Variants in PFN4 observed in about 807,000 individuals in gnomAD.
PFN4 encodes profilin family member 4.
In PFN4, 10 loss-of-function variants were observed where a neutral mutation model predicts 16.3. That is an observed-to-expected ratio of 0.61 (90% CI 0.38 to 1.04). The LOEUF (loss-of-function observed/expected upper bound fraction) is 1.04, where lower values mean the gene tolerates loss of function less well. PFN4 is among the 50% of genes least tolerant of loss of function. The pLI, the probability that PFN4 is intolerant of heterozygous loss-of-function variation, is 0.01. For missense variants in PFN4, 136 were observed against 153.6 expected (o/e 0.89, Z 0.61); for synonymous variants, 54 against 56.9 (o/e 0.95, Z 0.23).
At chr2:24,122,355 AT>A in intron 2 of PFN4, 63 bp downstream of exon 2, 2 of 1,239,044 alleles carry the variant, frequency 1.6e-6, no homozygotes, top group South Asian at 1.3e-5. Context: ...TGTCTGCTTC[AT>A]TTTTTGGAAG....
intron 4 of PFN4, among the ~76,000 whole-genome samples, chr2:24,118,291 G>C (rs181048493): frequency 1.9e-4 from 29 of 152,274 alleles, no homozygotes; most frequent in African/African-American, 6.7e-4. Flanking sequence ...ATCTGTTCAG[G>C]AAGGGTCCAA....
rs942791828 is a variant in PFN4, at chr2:24,119,676, T to C, written c.262A>G (p.Thr88Ala). The C allele has an allele frequency of 6.2e-6, 10 of 1,608,728 alleles. No individual in the cohort carries two copies. The African/African-American group carries it at 1.2e-4, about 19-fold the overall frequency. The change falls in exon 4 of 5, where the codon ACT (threonine) becomes GCT (alanine). Residue 88 changes from threonine (T) to alanine (A), a missense_variant. Transcript: ENST00000313213. ...EYSLYAKNEN[T>A]GVVVVKTHLY... Reference sequence around the variant, plus strand: ...TGGGTCTTCACGACAACCACACCAGTGTTCTCCTGTATAAAGAATATAAGA... The same window carrying C: ...TGGGTCTTCACGACAACCACACCAGCGTTCTCCTGTATAAAGAATATAAGA...
chr2:24,122,407 G>A lies in PFN4; in HGVS notation c.117+12C>T, dbSNP rs766728615. The stretch of plus-strand genomic sequence containing the variant: ...TAAATCAAGTCTTAGGTCCAAACTT[G>A]TTTTTTCTTACATTGAAACCTGGTG... On this transcript the variant is annotated intron_variant, in intron 2 of 4. Coordinates refer to ENST00000313213, the MANE Select transcript of PFN4 (RefSeq NM_199346.3). 2 of 1,581,250 alleles carry A rather than the reference G, an allele frequency of 1.3e-6. No individual in the cohort carries two copies. The highest frequency in any genetic ancestry group is 8.7e-7 in the Non-Finnish European group (1 of 1,151,328).
rs1134516 is a variant in PFN4, at chr2:24,119,662, G to A, written c.276C>T (p.Val92=). 246,833 of 1,604,264 alleles carry A rather than the reference G, an allele frequency of 0.15. 20,473 individuals are homozygous for A. The highest frequency in any genetic ancestry group is 0.22 in the South Asian group (19,756 of 90,620). The change falls in exon 4 of 5, where the codon GTC becomes GTT. Residue 92 remains valine (V), a synonymous_variant. Transcript: ENST00000313213. ...YAKNENTGVV[V]VKTHLYLLVA... Reference sequence around the variant, plus strand: ...CCAGAAGATACAGATGGGTCTTCACGACAACCACACCAGTGTTCTCCTGTA... The same window carrying A: ...CCAGAAGATACAGATGGGTCTTCACAACAACCACACCAGTGTTCTCCTGTA...
intron 4 of PFN4, among the ~76,000 whole-genome samples, chr2:24,115,889 A>G (rs1421006191): frequency 7.2e-6 from 1 of 138,892 alleles, no homozygotes; most frequent in Non-Finnish European, 1.5e-5. Context: ...GTCCTGGAGT[A>G]TGAATTGGGT....
chr2:24,115,781 T>C (rs1177719982), intron 4 of PFN4, among the ~76,000 whole-genome samples, 170 bp from the exon 5 acceptor site: 1 of 152,142 alleles, frequency 6.6e-6, no homozygotes, highest in Non-Finnish European at 1.5e-5. Flanking sequence ...ACACAGTTCC[T>C]GCCCTCATGG....
rs760541785 is a variant in PFN4, at chr2:24,119,569, CAA to C, written c.361+6_361+7del. The stretch of plus-strand genomic sequence containing the variant: ...GGAATGAAGACAGGAACTAGGAGGC[CAA>C]CTTACCCAGGCTCTCTGTGGCTTCC... On this transcript the variant is annotated splice_donor_region_variant and intron_variant, in intron 4 of 4. Transcript: ENST00000313213. The C allele has an allele frequency of 6.2e-7, 1 of 1,609,644 alleles. No homozygotes were observed. Among genetic ancestry groups the C allele is most frequent in the South Asian group, 1.1e-5 (1 of 90,456 alleles).
At chr2:24,120,874 T>C (rs530454786) in intron 3 of PFN4, among the ~76,000 whole-genome samples, 31 of 111,282 alleles carry the variant, frequency 2.8e-4, no homozygotes, top group African/African-American at 7.5e-4. Flanking sequence ...GATTATCTCT[T>C]TTTTTTTTTT....
chr2:24,116,572 T>G (rs1665924479), intron 4 of PFN4, among the ~76,000 whole-genome samples: 1 of 151,970 alleles, frequency 6.6e-6, no homozygotes, highest in African/African-American at 2.4e-5. Context: ...CCTGAGGACC[T>G]GGCCGGGTGC....
intron 4 of PFN4, among the ~76,000 whole-genome samples, chr2:24,116,581 G>A (rs993303722): frequency 6.6e-6 from 1 of 152,078 alleles, no homozygotes; most frequent in Non-Finnish European, 1.5e-5. Context: ...CTGGCCGGGT[G>A]CAGTGGCTCA....
chr2:24,119,483 T>C lies in PFN4; in HGVS notation c.361+94A>G, dbSNP rs1412256832. On this transcript the variant is annotated intron_variant, in intron 4 of 4. Transcript: ENST00000313213. ...ATCCTTCCAATAAATTCCTCCTTTC[T>C]GCCCTAGCTGGTTTGAGTTGGATCT... 9 of 847,834 alleles carry C rather than the reference T, an allele frequency of 1.1e-5. No individual in the cohort carries two copies. The East Asian group carries it at 1.3e-4, about 12-fold the overall frequency. The allele number at this position is 847,834 out of a possible 1,614,324, so 52.5% of individuals were successfully genotyped here.
At chr2:24,119,025 T>C (rs147915952) in intron 4 of PFN4, among the ~76,000 whole-genome samples, 14 of 152,344 alleles carry the variant, frequency 9.2e-5, no homozygotes, top group African/African-American at 3.4e-4. Flanking sequence ...ATGAGATCTT[T>C]ATTCAAAAAT....
chr2:24,120,550 A>AT (rs71395201), intron 3 of PFN4, among the ~76,000 whole-genome samples: 6 of 149,046 alleles, frequency 4.0e-5, no homozygotes, highest in Admixed American at 6.6e-5. Flanking sequence ...CAGAGAGCTG[A>AT]TTTTTTTTAA....
chr2:24,115,360 C>A lies in PFN4; in HGVS notation c.*223G>T. The A allele has an allele frequency of 1.8e-6, 1 of 546,380 alleles. No individual in the cohort carries two copies. 33.8% of individuals were successfully genotyped at this position (546,380 alleles called of 1,614,324 possible). A position where few individuals can be genotyped will look rare whatever the true frequency, so the allele number is the denominator to read the frequency against. On this transcript the variant is annotated 3_prime_UTR_variant, in exon 5 of 5. Coordinates refer to ENST00000313213, the MANE Select transcript of PFN4 (RefSeq NM_199346.3). ...TATGCTCTGTGAAATGATCAGTGCT[C>A]TCTCATTCCATGCCGATGACCAACA...
chr2:24,115,390 T>C lies in PFN4; in HGVS notation c.*193A>G, dbSNP rs2151001847. 1.4e-5 allele frequency: 8 copies of C among 586,750 alleles called. No homozygotes were observed. Among genetic ancestry groups the C allele is most frequent in the East Asian group, 1.1e-4 (4 of 34,976 alleles). 36.3% of individuals were successfully genotyped at this position (586,750 alleles called of 1,614,324 possible). ...ATTCCATGCCGATGACCAACACTTA[T>C]TAAAAAACAGTTGATCAAGTAATTC... is the stretch of plus-strand genomic sequence containing the variant. On this transcript the variant is annotated 3_prime_UTR_variant, in exon 5 of 5. Coordinates refer to ENST00000313213, the MANE Select transcript of PFN4 (RefSeq NM_199346.3).
intron 3 of PFN4, 32 bp from the exon 4 acceptor site, chr2:24,119,714 C>A: frequency 6.5e-7 from 1 of 1,543,334 alleles, no homozygotes; most frequent in South Asian, 1.1e-5. Context: ...ATATTCTGCT[C>A]TTGGTTCTAA....
At position 24,115,823 on chromosome 2, in the gene PFN4, C is replaced by T. The variant is rs533186835; in HGVS notation, c.362-212G>A. Among the ~76,000 whole-genome samples the T allele has an allele frequency of 4.0e-4, 60 of 148,880 alleles. 1 individual carries two copies. Among genetic ancestry groups the T allele is most frequent in the Admixed American group, 6.8e-4 (10 of 14,766 alleles). On this transcript the variant is annotated intron_variant, in intron 4 of 4. Transcript: ENST00000313213. ...CTGTCTAGTAGGGGATATAGGCACA[C>T]ACAAACATCAATTCTATTTCATGGT...
chr2:24,115,679 C>G, intron 4 of PFN4, 68 bp from the exon 5 acceptor site: 1 of 1,535,034 alleles, frequency 6.5e-7, no homozygotes, highest in Middle Eastern at 1.7e-4. Context: ...ATTCATTCAT[C>G]CATTTATTAT....
chr2:24,117,499 A>G (rs1256552851), intron 4 of PFN4, among the ~76,000 whole-genome samples: 2 of 150,712 alleles, frequency 1.3e-5, no homozygotes, highest in African/African-American at 4.9e-5. Context: ...CTGGAGTGCA[A>G]TGGCGCTATT....
Sources: allele counts gnomAD v4.1 joint callset (sites outside exome capture counted in the v4.1 genomes callset), GRCh38; gene constraint gnomAD v4.1.1; transcripts MANE v1.5; gene names NCBI Gene and HGNC (gene_info 2026-07-23, HGNC 2026-07-21).